SCYGR7: variants seen among roughly 807,000 people sequenced by gnomAD.
SCYGR7 encodes the protein small cysteine and glycine repeat containing 7.
chr2:227,728,380 T>TGCG lies in SCYGR7; in HGVS notation c.47_48insCGG (p.Gly18dup), dbSNP rs1553579050. On this transcript the variant is annotated inframe_insertion, in exon 1 of 1. Transcript: ENST00000641700. ...AAGTTGTGGTGGCTGCGGTGGTGGC[T>TGCG]GTGGTGGCTGCGGTGGTGGCTGCGG... 486 of 403,074 alleles carry TGCG rather than the reference T, an allele frequency of 1.2e-3. 4 individuals are homozygous for TGCG. Among genetic ancestry groups the TGCG allele is most frequent in the African/African-American group, 8.0e-3 (364 of 45,240 alleles). The allele number at this position is 403,074 out of a possible 1,614,324, so 25.0% of individuals were successfully genotyped here.
At chr2:227,728,389 T>C in exon 1 of SCYGR7, 1 of 398,002 alleles carries the variant, frequency 2.5e-6, no homozygotes, top group Non-Finnish European at 4.4e-6. Context: ...CTGTGGTGGC[T>C]GCGGTGGTGG....
chr2:227,728,595 A>G lies in SCYGR7; in HGVS notation c.261A>G (p.Lys87=), dbSNP rs543834364. 2.0e-3 allele frequency: 803 copies of G among 398,674 alleles called. 12 individuals carry two copies. The Admixed American group carries it at 0.025, about 12-fold the overall frequency. The allele number at this position is 398,674 out of a possible 1,614,324, so 24.7% of individuals were successfully genotyped here. The change falls in exon 1 of 1, where the codon AAA becomes AAG. Residue 87 remains lysine (K), a synonymous_variant. Transcript: ENST00000641700. ...GTGGGAAGGGCTGTTGCCAGCAGAAAGGCTGCTGCCAGAAGCAATGCTGCT... is the reference window on the plus strand; with the variant it reads ...GTGGGAAGGGCTGTTGCCAGCAGAAGGGCTGCTGCCAGAAGCAATGCTGCT...
chr2:227,728,536 T>C (rs1402732551), exon 1 of SCYGR7: 4 of 399,116 alleles, frequency 1.0e-5, no homozygotes, highest in Non-Finnish European at 1.8e-5. Flanking sequence ...GATCTGCTGC[T>C]GCCGCCGCAC....
At chr2:227,728,483 C>A in exon 1 of SCYGR7, 3 of 399,376 alleles carry the variant, frequency 7.5e-6, no homozygotes, top group Non-Finnish European at 1.3e-5. Context: ...AGCTGCTGCC[C>A]CTGCTGCCGC....
rs1266374911 is a variant in SCYGR7, at chr2:227,728,358, TTGTGGTGGCTGCGGTGGTGGC to T, written c.48_68del (p.Cys19_Gly25del). 63 of 404,196 alleles carry T rather than the reference TTGTGGTGGCTGCGGTGGTGGC, an allele frequency of 1.6e-4. No individual in the cohort carries two copies. In the South Asian group the frequency reaches 1.6e-3, roughly 10 times the overall value. The allele number at this position is 404,196 out of a possible 1,614,324, so 25.0% of individuals were successfully genotyped here. On this transcript the variant is annotated inframe_deletion, in exon 1 of 1. Coordinates refer to ENST00000641700, the Ensembl canonical transcript of SCYGR7. ...CCATGGGTTGCTGTGGTTGTGGAAG[TTGTGGTGGCTGCGGTGGTGGC>T]TGTGGTGGCTGCGGTGGTGGCTGCG...
chr2:227,728,392 G>T (rs1005750450), exon 1 of SCYGR7: 21 of 392,620 alleles, frequency 5.3e-5, no homozygotes, highest in Middle Eastern at 6.1e-4. Context: ...TGGTGGCTGC[G>T]GTGGTGGCTG....
chr2:227,728,422 G>A (rs374208486), exon 1 of SCYGR7: 15 of 401,486 alleles, frequency 3.7e-5, no homozygotes, highest in South Asian at 2.4e-4. Flanking sequence ...CTGCGGTGGT[G>A]GCTGTGGCAG....
chr2:227,728,429 G>A (rs1381287846), exon 1 of SCYGR7: 6 of 402,546 alleles, frequency 1.5e-5, no homozygotes, highest in Non-Finnish European at 2.6e-5. Flanking sequence ...GGTGGCTGTG[G>A]CAGCTGCACC....
Sources: gnomAD v4.1 joint callset for allele counts on GRCh38, gnomAD v4.1.1 for gene constraint, MANE v1.5 for transcripts, NCBI Gene and HGNC (gene_info 2026-07-23, HGNC 2026-07-21) for gene names.